Variants in NACC2 observed in about 807,000 individuals in gnomAD.
NACC2 encodes NACC family member 2, also known as nucleus accumbens-associated protein 2.
A neutral mutation model predicts 25.1 loss-of-function variants in NACC2; 8 were observed. That is an observed-to-expected ratio of 0.32 (90% CI 0.19 to 0.57). NACC2 has a LOEUF of 0.57. NACC2 is among the 20% of genes least tolerant of loss of function. NACC2 has a pLI of 0.89. For synonymous variants in NACC2, 435 were observed against 294.7 expected (o/e 1.48, Z -4.88); for missense variants, 644 against 650.2 (o/e 0.99, Z 0.10).
intron 1 of NACC2, among the ~76,000 whole-genome samples, chr9:136,058,032 T>A (rs1405432036): frequency 6.6e-6 from 1 of 152,216 alleles, no homozygotes; most frequent in Non-Finnish European, 1.5e-5. Context: ...AAAGCTCCCC[T>A]GCATTTCTAA....
In NACC2 at chr9:136,020,917, C is replaced by T. The variant is rs549355807; in HGVS notation, c.887-4488G>A. Among the ~76,000 whole-genome samples the T allele has an allele frequency of 9.9e-5, 15 of 152,276 alleles. No homozygotes were observed. The highest frequency in any genetic ancestry group is 3.6e-4 in the African/African-American group (15 of 41,530). On this transcript the variant is annotated intron_variant, in intron 2 of 5. Transcript: ENST00000277554. The surrounding 1 kb of genome is among the most constrained non-coding windows in gnomAD (Gnocchi z 4.7). ...GCACCCACACGTGGCACCAAAACCA[C>T]CCTCCGTCTCAGCCTCGCACCCTAC...
chr9:136,075,767 C>T (rs1830256694), intron 1 of NACC2, among the ~76,000 whole-genome samples: 1 of 152,212 alleles, frequency 6.6e-6, no homozygotes, highest in African/African-American at 2.4e-5. Flanking sequence ...CAGGCCCTGT[C>T]GGTGAAACCT....
In NACC2 at chr9:136,011,743, CG is replaced by C; in HGVS notation, c.1536del (p.Asp512GlufsTer3). 4 of 1,539,918 alleles carry C rather than the reference CG, an allele frequency of 2.6e-6. No individual in the cohort carries two copies. Among genetic ancestry groups the C allele is most frequent in the Non-Finnish European group, 2.6e-6 (3 of 1,143,810 alleles). On this transcript the variant is annotated frameshift_variant, in exon 6 of 6. Transcript: ENST00000277554. LOFTEE classifies it high-confidence loss of function. ...GCGGCACTCAGGTCAACATTCACGG[CG>C]TCAGTTCTCAGAGCCACGATGGTGG... ...DAATIVALRTDAVNVDLSAAA... is the reference protein window; with the variant it reads ...DAATIVALRTXAVNVDLSAAA...
chr9:136,074,602 T>A (rs1210750800), intron 1 of NACC2, among the ~76,000 whole-genome samples: 1 of 151,642 alleles, frequency 6.6e-6, no homozygotes, highest in Admixed American at 6.6e-5. Context: ...TCAAAACCAT[T>A]CCTCGTTCTG....
chr9:136,060,324 CG>C (rs1840990382), intron 1 of NACC2, among the ~76,000 whole-genome samples: 1 of 152,192 alleles, frequency 6.6e-6, no homozygotes, highest in Non-Finnish European at 1.5e-5. Flanking sequence ...TTTGGGATCA[CG>C]GGGAGGCCCT....
At chr9:136,093,982 G>C (rs1830459710) in intron 1 of NACC2, among the ~76,000 whole-genome samples, 1 of 152,258 alleles carries the variant, frequency 6.6e-6, no homozygotes, top group African/African-American at 2.4e-5. Context: ...GGGTGGGTGA[G>C]AAGAAGGGGC....
rs114501032 is a variant in NACC2 at position 136,049,081 on chromosome 9, C to T, written c.886+555G>A. Among the ~76,000 whole-genome samples, 1,487 of 152,334 alleles carry T rather than the reference C, an allele frequency of 9.8e-3. 28 individuals carry two copies. The highest frequency in any genetic ancestry group is 0.034 in the African/African-American group (1,402 of 41,574). On this transcript the variant is annotated intron_variant, in intron 2 of 5. Transcript: ENST00000277554. ...AACCAGGAATCTCCAATTAGGGCAA[C>T]CTGGGTTTGTGGGGCCCAGGACGGG...
intron 1 of NACC2, among the ~76,000 whole-genome samples, chr9:136,067,126 T>C (rs1426237890): frequency 6.6e-6 from 1 of 152,044 alleles, no homozygotes; most frequent in African/African-American, 2.4e-5. Flanking sequence ...TGGTGGTTCA[T>C]GCCTGTAATC....
chr9:136,042,133 C>A (rs937209566), intron 2 of NACC2, among the ~76,000 whole-genome samples: 5 of 152,198 alleles, frequency 3.3e-5, no homozygotes, highest in Admixed American at 3.3e-4. Context: ...GGACTACAGG[C>A]GCATGCCACC....
At chr9:136,014,216 C>T (rs542282650) in intron 3 of NACC2, among the ~76,000 whole-genome samples, 1 of 152,262 alleles carries the variant, frequency 6.6e-6, no homozygotes, top group Non-Finnish European at 1.5e-5. Context: ...GGGAAAGCCA[C>T]AGCGCCCCCC....
chr9:136,050,066 G>T lies in NACC2; in HGVS notation c.456C>A (p.Ala152=). 1.4e-6 allele frequency: 1 copy of T among 731,210 alleles called. No homozygotes were observed. Among genetic ancestry groups the T allele is most frequent in the South Asian group, 1.4e-5 (1 of 69,590 alleles). The allele number at this position is 731,210 out of a possible 1,614,324, so 45.3% of individuals were successfully genotyped here. The change falls in exon 2 of 6, where the codon GCC becomes GCA. Residue 152 remains alanine (A), a synonymous_variant. Transcript: ENST00000277554. The part of the protein sequence containing the change: ...PQSPCNQLQP[A]AAAAAPYVVS... ...CGACGTAGGGGGCCGCGGCGGCGGC[G>T]GCCGGCTGCAGCTGGTTGCAGGGGC... is the stretch of plus-strand genomic sequence containing the variant.
intron 2 of NACC2, among the ~76,000 whole-genome samples, chr9:136,033,400 T>C (rs1010039518): frequency 1.3e-5 from 2 of 151,958 alleles, no homozygotes; most frequent in African/African-American, 4.8e-5. Context: ...TCCCAGCACT[T>C]TGGGAGGCTG....
At chr9:136,037,719 G>A (rs902954321) in intron 2 of NACC2, among the ~76,000 whole-genome samples, 1 of 152,024 alleles carries the variant, frequency 6.6e-6, no homozygotes. Flanking sequence ...ATGTTGGCCA[G>A]GCTGGTCTCG....
rs949830379 is a variant in NACC2, at chr9:136,019,843, G to C, written c.887-3414C>G. On this transcript the variant is annotated intron_variant, in intron 2 of 5. Coordinates refer to ENST00000277554, the MANE Select transcript of NACC2 (RefSeq NM_144653.5). This position sits in a 1 kb window ranked among gnomAD's most constrained non-coding sequence, Gnocchi z 5.2. ...TTCTGCTCCCAGCCGGGCGACACCA[G>C]GGGAGCTTGCGAGAGGGCGGCTGAG... 6.6e-6 allele frequency among the ~76,000 whole-genome samples: 1 copy of C among 152,168 alleles called. No homozygotes were observed. The highest frequency in any genetic ancestry group is 1.5e-5 in the Non-Finnish European group (1 of 68,030).
At chr9:136,048,545 C>T (rs1191063945) in intron 2 of NACC2, among the ~76,000 whole-genome samples, 1 of 152,266 alleles carries the variant, frequency 6.6e-6, no homozygotes, top group Non-Finnish European at 1.5e-5. Context: ...GGGATTCATG[C>T]AAACACAGCA....
At chr9:136,026,268 C>T (rs577737690) in intron 2 of NACC2, among the ~76,000 whole-genome samples, 9 of 132,356 alleles carry the variant, frequency 6.8e-5, no homozygotes, top group South Asian at 2.7e-4. Context: ...TTGAACCCAG[C>T]GGGGGTGGAG....
At position 136,036,720 on chromosome 9, in the gene NACC2, C is replaced by T. The variant is rs1011804745; in HGVS notation, c.886+12916G>A. Among the ~76,000 whole-genome samples, 6 of 152,152 alleles carry T rather than the reference C, an allele frequency of 3.9e-5. No individual in the cohort carries two copies. The East Asian group carries it at 7.7e-4, about 19-fold the overall frequency. On this transcript the variant is annotated intron_variant, in intron 2 of 5. Transcript: ENST00000277554. ...TGAAGAAACCACAGCAGAGATTACT[C>T]GGCTGAAAGCCTATAGAAGAAAAAG...
At position 136,007,132 on chromosome 9, in the gene NACC2, G is replaced by C. The variant is rs1226158212; in HGVS notation, c.*4384C>G. 2 of 154,218 alleles carry C rather than the reference G, an allele frequency of 1.3e-5. No homozygotes were observed. Among genetic ancestry groups the C allele is most frequent in the Non-Finnish European group, 2.9e-5 (2 of 68,190 alleles). The allele number at this position is 154,218 out of a possible 1,614,324, so 9.6% of individuals were successfully genotyped here. ...AGTATTGCAAGTTTTGGCTTCTTTTGACATAAAAATCACAATCGTGTACGA... is the reference window on the plus strand; with the variant it reads ...AGTATTGCAAGTTTTGGCTTCTTTTCACATAAAAATCACAATCGTGTACGA... On this transcript the variant is annotated 3_prime_UTR_variant, in exon 6 of 6. Transcript: ENST00000277554.
rs919249381 is a variant in NACC2, at chr9:136,053,327, C to T, written c.-59-2747G>A. Among the ~76,000 whole-genome samples, 110 of 152,306 alleles carry T rather than the reference C, an allele frequency of 7.2e-4. 3 individuals are homozygous for T. The South Asian group carries it at 0.013, about 18-fold the overall frequency. ...AGAGATCCAGGTGCGGGGAAGCTGC[C>T]GGCAAAGGCCCGTGGAGGTGGCTTC... On this transcript the variant is annotated intron_variant, in intron 1 of 5. Coordinates refer to ENST00000277554, the MANE Select transcript of NACC2 (RefSeq NM_144653.5).
Sources: gnomAD v4.1 joint callset for allele counts (sites outside exome capture counted in the v4.1 genomes callset) on GRCh38, gnomAD v4.1.1 for gene constraint, Gnocchi (gnomAD v3.1) non-coding constraint, MANE v1.5 for transcripts, NCBI Gene and HGNC (gene_info 2026-07-23, HGNC 2026-07-21) for gene names.